COG6: variants seen among roughly 807,000 people sequenced by gnomAD.
The protein encoded by COG6 is conserved oligomeric Golgi complex subunit 6.
In COG6, 74 loss-of-function variants were observed where a neutral mutation model predicts 88.8. That is an observed-to-expected ratio of 0.83 (90% CI 0.69 to 1.01). The LOEUF (loss-of-function observed/expected upper bound fraction) is 1.01. Ranked by LOEUF, COG6 falls within the 50% of genes least tolerant of loss-of-function variation. The probability of loss-of-function intolerance (pLI) is 0.00; values close to 1 mark genes in which losing one functional copy is unlikely to be tolerated. For synonymous variants in COG6, 286 were observed against 278.7 expected, an observed-to-expected ratio of 1.03 and a Z score of -0.26; for missense variants, 800 against 797.9, an observed-to-expected ratio of 1.00 and a Z score of -0.03.
intron 18 of COG6, among the ~76,000 whole-genome samples, chr13:39,785,780 C>T (rs1881755410): frequency 6.6e-6 from 1 of 152,152 alleles, no homozygotes; most frequent in Non-Finnish European, 1.5e-5. Flanking sequence ...TCTAGTTTAT[C>T]TTGTATTTAA....
intron 2 of COG6, 106 bp downstream of exon 2, chr13:39,659,613 C>T: frequency 1.1e-6 from 1 of 890,740 alleles, no homozygotes; most frequent in South Asian, 1.5e-5. Flanking sequence ...TATTTGTATA[C>T]TATGCCCAAA....
intron 2 of COG6, 88 bp from the exon 3 acceptor site, chr13:39,660,722 A>T (rs1874842189): frequency 2.3e-6 from 2 of 885,308 alleles, no homozygotes; most frequent in Non-Finnish European, 1.9e-6. Context: ...ATAAAAAATT[A>T]TGTAACTAAA....
chr13:39,658,146 CT>C lies in COG6; in HGVS notation c.154-1204del, dbSNP rs1235361524. Reference sequence around the variant, plus strand: ...ACTTTGAAGAATATTTTTGGAATATCTTTTTTTTTTTTTTGAGACCAAGTCT... The same window carrying C: ...ACTTTGAAGAATATTTTTGGAATATCTTTTTTTTTTTTTGAGACCAAGTCT... On this transcript the variant is annotated intron_variant, in intron 1 of 18. Transcript: ENST00000455146. Among the ~76,000 whole-genome samples the C allele has an allele frequency of 4.1e-3, 536 of 132,184 alleles. 2 individuals are homozygous for C. The highest frequency in any genetic ancestry group is 6.0e-3 in the African/African-American group (215 of 35,978). 86.7% of individuals were successfully genotyped at this position (132,184 alleles called of 152,430 possible).
intron 4 of COG6, among the ~76,000 whole-genome samples, chr13:39,670,430 A>G (rs1347042948): frequency 6.6e-6 from 1 of 152,110 alleles, no homozygotes; most frequent in African/African-American, 2.4e-5. Flanking sequence ...TGGAAAGAAT[A>G]TAGGACTTAA....
At position 39,722,839 on chromosome 13, in the gene COG6, C is replaced by G. The variant is rs114499056; in HGVS notation, c.1585-494C>G. On this transcript the variant is annotated intron_variant, in intron 15 of 18. Transcript: ENST00000455146. ...TCAAGTTTCTACTGGGCCCTCAGCT[C>G]TTCCCTACTTGTCACAGACCTGCCT... is the stretch of plus-strand genomic sequence containing the variant. Among the ~76,000 whole-genome samples the G allele has an allele frequency of 3.1e-3, 464 of 152,118 alleles. 2 individuals are homozygous for G. The highest frequency in any genetic ancestry group is 0.011 in the African/African-American group (446 of 41,524).
At chr13:39,731,189 T>G (rs545938733) in intron 18 of COG6, among the ~76,000 whole-genome samples, 2 of 152,266 alleles carry the variant, frequency 1.3e-5, no homozygotes, top group South Asian at 2.1e-4. Flanking sequence ...TCTCCTGAAC[T>G]TTATCTATCT....
At chr13:39,670,463 G>A (rs1381709237) in intron 4 of COG6, among the ~76,000 whole-genome samples, 2 of 151,926 alleles carry the variant, frequency 1.3e-5, no homozygotes, top group South Asian at 2.1e-4. Context: ...AATCTTAATC[G>A]AAACCTTGGG....
At chr13:39,789,026 C>T (rs1173795847) in exon 19 of COG6, 1 of 152,118 alleles carries the variant, frequency 6.6e-6, no homozygotes, top group Non-Finnish European at 1.5e-5. Context: ...ACATTAAGTT[C>T]CTCTTACCCT....
At chr13:39,771,001 A>T (rs1179577525) in intron 18 of COG6, among the ~76,000 whole-genome samples, 1 of 152,082 alleles carries the variant, frequency 6.6e-6, no homozygotes, top group Non-Finnish European at 1.5e-5. Context: ...AAAATCCTAC[A>T]TTCTCTGGGG....
At chr13:39,730,361 G>T (rs1483964258) in intron 18 of COG6, among the ~76,000 whole-genome samples, 1 of 152,020 alleles carries the variant, frequency 6.6e-6, no homozygotes, top group Non-Finnish European at 1.5e-5. Flanking sequence ...AATTAAATGT[G>T]ATCTGCAACA....
chr13:39,707,359 C>T (rs1877998032), intron 13 of COG6, among the ~76,000 whole-genome samples: 1 of 151,852 alleles, frequency 6.6e-6, no homozygotes, highest in African/African-American at 2.4e-5. Context: ...TATCTCTTGA[C>T]CTCATGATCC....
intron 18 of COG6, among the ~76,000 whole-genome samples, chr13:39,745,554 G>A (rs1219718123): frequency 6.6e-6 from 1 of 152,188 alleles, no homozygotes; most frequent in Non-Finnish European, 1.5e-5. Flanking sequence ...TCTCACGCCA[G>A]TTAGAATAGT....
chr13:39,677,640 T>C, intron 5 of COG6, 61 bp downstream of exon 5: 4 of 984,754 alleles, frequency 4.1e-6, no homozygotes, highest in Non-Finnish European at 6.1e-6. Flanking sequence ...TAGAGAGAAA[T>C]TGCTTTTTTG....
intron 18 of COG6, among the ~76,000 whole-genome samples, chr13:39,772,246 T>A (rs1166788768): frequency 1.3e-5 from 2 of 152,244 alleles, no homozygotes; most frequent in African/African-American, 4.8e-5. Context: ...AAACTTTTCC[T>A]GATTTCCTCT....
At chr13:39,687,441 A>G (rs1876716138) in intron 8 of COG6, 62 bp from the exon 9 acceptor site, 12 of 1,466,274 alleles carry the variant, frequency 8.2e-6, no homozygotes, top group Non-Finnish European at 1.1e-5. Context: ...AATTGCGTGA[A>G]TAGTCTGATA....
intron 18 of COG6, among the ~76,000 whole-genome samples, chr13:39,735,175 C>T (rs969980091): frequency 1.3e-5 from 2 of 151,416 alleles, no homozygotes; most frequent in African/African-American, 4.9e-5. Flanking sequence ...TTTTCACTTC[C>T]TTCTTTCCTT....
At chr13:39,681,497 G>A (rs192422696) in intron 7 of COG6, among the ~76,000 whole-genome samples, 1 of 152,252 alleles carries the variant, frequency 6.6e-6, no homozygotes, top group East Asian at 1.9e-4. Flanking sequence ...AGACTATGAA[G>A]TCATTTTAAG....
At chr13:39,725,239 G>A (rs1278045832) in intron 17 of COG6, among the ~76,000 whole-genome samples, 3 of 151,728 alleles carry the variant, frequency 2.0e-5, no homozygotes, top group Non-Finnish European at 4.4e-5. Context: ...TAATAATATG[G>A]AAGAACAACA....
In COG6 at chr13:39,660,846, A is replaced by G. The variant is rs754476817; in HGVS notation, c.334A>G (p.Ser112Gly). Residue 112 changes from serine (S) to glycine (G), a missense_variant, in exon 3 of 19, where the codon AGC becomes GGC. Transcript: ENST00000455146. ...ESISEDVQAM[S>G]NCCQDMTSRL... ...CATAAGCGAAGATGTTCAAGCAATG[A>G]GCAACTGTTGTCAAGATATGACAAG... The G allele has an allele frequency of 6.2e-7, 1 of 1,611,182 alleles. No homozygotes were observed. Among genetic ancestry groups the G allele is most frequent in the East Asian group, 2.2e-5 (1 of 44,742 alleles).
Sources: allele counts gnomAD v4.1 joint callset (sites outside exome capture counted in the v4.1 genomes callset), GRCh38; gene constraint gnomAD v4.1.1; transcripts MANE v1.5; gene names NCBI Gene and HGNC (gene_info 2026-07-23, HGNC 2026-07-21).